Variants in GALNTL6 observed in about 807,000 individuals in gnomAD.
The protein encoded by GALNTL6 is polypeptide N-acetylgalactosaminyltransferase-like 6.
A neutral mutation model predicts 73.7 loss-of-function variants in GALNTL6; 46 were observed. The observed-to-expected ratio is 0.62, with a 90% confidence interval of 0.49 to 0.80. The LOEUF is 0.80. Among genes scored for constraint, GALNTL6 ranks in the 30% least tolerant of loss-of-function variants. The probability of loss-of-function intolerance (pLI) is 0.00; values close to 1 mark genes in which losing one functional copy is unlikely to be tolerated. For synonymous variants in GALNTL6, 259 were observed against 263.7 expected (o/e 0.98, Z 0.17); for missense variants, 604 against 755.0 (o/e 0.80, Z 2.34).
chr4:172,390,078 A>C (rs1435386586), intron 5 of GALNTL6, among the ~76,000 whole-genome samples: 1 of 152,190 alleles, frequency 6.6e-6, no homozygotes, highest in Non-Finnish European at 1.5e-5. Context: ...AATTTCTGCT[A>C]TTTAAATTTT....
At chr4:172,306,162 G>A (rs1300849674) in intron 3 of GALNTL6, among the ~76,000 whole-genome samples, 1 of 152,160 alleles carries the variant, frequency 6.6e-6, no homozygotes, top group Non-Finnish European at 1.5e-5. Flanking sequence ...GCCAAGCTGG[G>A]AAAGTAACCT....
intron 5 of GALNTL6, among the ~76,000 whole-genome samples, chr4:172,678,408 C>T (rs1450227822): frequency 4.0e-5 from 6 of 151,670 alleles, no homozygotes; most frequent in Non-Finnish European, 7.4e-5. Context: ...TGCAATGGCA[C>T]GATCTCGGCT....
intron 3 of GALNTL6, among the ~76,000 whole-genome samples, chr4:172,307,738 A>T (rs750491727): frequency 1.3e-5 from 2 of 152,152 alleles, no homozygotes; most frequent in African/African-American, 4.8e-5. Context: ...TACCAGTACC[A>T]TGCTGTTTTG....
In GALNTL6 at chr4:172,585,903, A is replaced by G. The variant is rs554788502; in HGVS notation, c.554-223458A>G. ...CATTTATGTGACCAACAAACATATG[A>G]AAAAAAAGCTCATCATTACAGAGCA... On this transcript the variant is annotated intron_variant, in intron 5 of 12. Coordinates refer to ENST00000506823, the MANE Select transcript of GALNTL6 (RefSeq NM_001034845.3). 2.6e-5 allele frequency among the ~76,000 whole-genome samples: 4 copies of G among 152,252 alleles called. No individual in the cohort carries two copies. In the South Asian group the frequency reaches 8.3e-4, roughly 32 times the overall value.
intron 2 of GALNTL6, among the ~76,000 whole-genome samples, chr4:172,153,288 A>T (rs1335711939): frequency 1.3e-5 from 2 of 152,212 alleles, no homozygotes; most frequent in African/African-American, 4.8e-5. Flanking sequence ...TCTTTACACG[A>T]ACTATGATAT....
intron 5 of GALNTL6, among the ~76,000 whole-genome samples, chr4:172,728,456 T>C (rs1735955125): frequency 6.6e-6 from 1 of 152,148 alleles, no homozygotes; most frequent in Non-Finnish European, 1.5e-5. Context: ...CAGGATTTCA[T>C]GCTTTGTTAT....
intron 8 of GALNTL6, among the ~76,000 whole-genome samples, chr4:172,887,244 C>T (rs1021616963): frequency 7.2e-5 from 11 of 152,222 alleles, no homozygotes; most frequent in African/African-American, 2.4e-4. Flanking sequence ...TTGATGGGCA[C>T]ATAGGTTGAT....
intron 2 of GALNTL6, among the ~76,000 whole-genome samples, chr4:172,056,937 G>T (rs932997495): frequency 6.7e-4 from 102 of 151,866 alleles, no homozygotes; most frequent in African/African-American, 2.3e-3. Context: ...TTTAAATTAT[G>T]GTTTTAAAAT....
intron 2 of GALNTL6, among the ~76,000 whole-genome samples, chr4:172,215,084 C>CT (rs1736454458): frequency 6.6e-6 from 1 of 151,228 alleles, no homozygotes; most frequent in South Asian, 2.1e-4. Context: ...TCAGTCTTTC[C>CT]CTGATTAATT....
At chr4:172,109,084 T>A (rs1485237284) in intron 2 of GALNTL6, among the ~76,000 whole-genome samples, 1 of 151,542 alleles carries the variant, frequency 6.6e-6, no homozygotes, top group East Asian at 1.9e-4. Flanking sequence ...TCATATTATG[T>A]CATTTAATTT....
chr4:172,228,118 A>G (rs943181808), intron 2 of GALNTL6, among the ~76,000 whole-genome samples: 12 of 152,180 alleles, frequency 7.9e-5, no homozygotes, highest in African/African-American at 2.9e-4. Context: ...ATTTCTAATT[A>G]TAAGTTGATC....
intron 2 of GALNTL6, among the ~76,000 whole-genome samples, chr4:171,895,366 C>G (rs1435362710): frequency 6.6e-6 from 1 of 152,104 alleles, no homozygotes; most frequent in Non-Finnish European, 1.5e-5. Flanking sequence ...CGAGTCATGG[C>G]AACTCTGTTT....
At chr4:172,153,607 T>G (rs987366720) in intron 2 of GALNTL6, among the ~76,000 whole-genome samples, 5 of 152,342 alleles carry the variant, frequency 3.3e-5, no homozygotes, top group African/African-American at 1.2e-4. Context: ...TTTAGAATGA[T>G]GTGTTTACTC....
chr4:172,413,716 C>A (rs1282370864), intron 5 of GALNTL6, among the ~76,000 whole-genome samples: 1 of 147,784 alleles, frequency 6.8e-6, no homozygotes, highest in African/African-American at 2.5e-5. Context: ...TTGTAGGGAT[C>A]ATATAGATTA....
intron 5 of GALNTL6, among the ~76,000 whole-genome samples, chr4:172,439,837 C>T (rs545512463): frequency 4.6e-5 from 7 of 151,934 alleles, no homozygotes; most frequent in Non-Finnish European, 1.0e-4. Flanking sequence ...TCCCGTATAC[C>T]CTTTGCCCAG....
intron 11 of GALNTL6, among the ~76,000 whole-genome samples, chr4:173,014,642 A>G (rs1422038924): frequency 6.6e-6 from 1 of 152,240 alleles, no homozygotes; most frequent in Non-Finnish European, 1.5e-5. Context: ...GCAAACTGCA[A>G]GGAGAAACAT....
intron 5 of GALNTL6, among the ~76,000 whole-genome samples, chr4:172,781,297 G>A (rs1739357605): frequency 6.6e-6 from 1 of 152,140 alleles, no homozygotes; most frequent in South Asian, 2.1e-4. Flanking sequence ...GATCTATGAA[G>A]TAAAACTTTC....
chr4:171,940,666 C>A (rs332998), intron 2 of GALNTL6, among the ~76,000 whole-genome samples: 109,374 of 151,400 alleles, frequency 0.72, 40,579 homozygotes, highest in Admixed American at 0.84. Context: ...TACTAAAAAA[C>A]TACAAAAATT....
At chr4:172,313,559 G>A (rs1740439130) in intron 4 of GALNTL6, among the ~76,000 whole-genome samples, 2 of 152,126 alleles carry the variant, frequency 1.3e-5, no homozygotes, top group Admixed American at 1.3e-4. Flanking sequence ...TATTTTTAGT[G>A]TGAACACCAT....
Sources: gnomAD v4.1 joint callset for allele counts (sites outside exome capture counted in the v4.1 genomes callset) on GRCh38, gnomAD v4.1.1 for gene constraint, MANE v1.5 for transcripts, NCBI Gene and HGNC (gene_info 2026-07-23, HGNC 2026-07-21) for gene names.